Variants in PPP1R12C observed in about 807,000 individuals in gnomAD.
The protein encoded by PPP1R12C is protein phosphatase 1 regulatory subunit 12C.
Under a neutral mutation model 95.6 loss-of-function variants are expected in PPP1R12C, and 48 were observed. That is an observed-to-expected ratio of 0.50 (90% CI 0.40 to 0.64). PPP1R12C has a LOEUF of 0.64. PPP1R12C is among the 30% of genes least tolerant of loss of function. The pLI is 0.00. For missense variants in PPP1R12C, 1,057 were observed against 1,083.3 expected (o/e 0.98, Z 0.34); for synonymous variants, 480 against 460.8 (o/e 1.04, Z -0.53).
chr19:55,117,523 CG>C lies in PPP1R12C; in HGVS notation c.20del (p.Pro7ArgfsTer63). On this transcript the variant is annotated frameshift_variant, in exon 1 of 22. Transcript: ENST00000263433. LOFTEE classifies it high-confidence loss of function. MSGEDGPAAGPGAAAAA... is the reference protein window; with the variant it reads MSGEDGXAAGPGAAAAA... ...CCGCCGCCGCCCCCGGGCCAGCCGC[CG>C]GGCCATCCTCTCCGGACATCGCACC... The C allele has an allele frequency of 9.8e-7, 1 of 1,024,090 alleles. No individual in the cohort carries two copies. The highest frequency in any genetic ancestry group is 1.2e-6 in the Non-Finnish European group (1 of 856,026). The allele number at this position is 1,024,090 out of a possible 1,614,324, so 63.4% of individuals were successfully genotyped here.
At chr19:55,106,475 T>G (rs1010648063) in intron 3 of PPP1R12C, among the ~76,000 whole-genome samples, 1 of 152,224 alleles carries the variant, frequency 6.6e-6, no homozygotes, top group African/African-American at 2.4e-5. Context: ...TCCGCCCTTG[T>G]CAGCACTTGG....
chr19:55,110,741 T>C (rs186989020), intron 3 of PPP1R12C, among the ~76,000 whole-genome samples: 1 of 152,090 alleles, frequency 6.6e-6, no homozygotes, highest in East Asian at 1.9e-4. Flanking sequence ...GCATGCTGGC[T>C]CACGCCTGTA....
At chr19:55,115,987 GCA>G (rs2085149332) in intron 1 of PPP1R12C, among the ~76,000 whole-genome samples, 1 of 152,198 alleles carries the variant, frequency 6.6e-6, no homozygotes, top group Non-Finnish European at 1.5e-5. Context: ...GGAAGAGCTA[GCA>G]CAGACTAGAG....
intron 4 of PPP1R12C, among the ~76,000 whole-genome samples, chr19:55,102,941 C>T (rs1233845612): frequency 6.6e-6 from 1 of 152,190 alleles, no homozygotes; most frequent in East Asian, 1.9e-4. Context: ...GTGGCTTACA[C>T]CTGTAATCCC....
chr19:55,100,896 T>C (rs2084972978), intron 4 of PPP1R12C, among the ~76,000 whole-genome samples: 1 of 152,050 alleles, frequency 6.6e-6, no homozygotes, highest in African/African-American at 2.4e-5. Flanking sequence ...ACAGGCGTGA[T>C]CCACCACGCC....
chr19:55,096,104 C>T lies in PPP1R12C; in HGVS notation c.1100G>A (p.Gly367Glu). ...QDLSKERRPG[G>E]AGGPPIQDED... ...GTCCTGGATGGGGGGCCCCCCAGCC[C>T]CACCAGGCCGGCGCTCCTTGGACAA... Residue 367 changes from glycine to glutamate, a missense_variant, in exon 8 of 22, where the codon GGG (glycine) becomes GAG (glutamate). Physicochemically the swap from Gly to Glu is moderately conservative, Grantham distance 98 (BLOSUM62 -2). This residue lies in a region of PPP1R12C where 356 missense variants were observed against 330.5 expected (regional missense o/e 1.08). Transcript: ENST00000263433. 6.2e-7 allele frequency: 1 copy of T among 1,600,004 alleles called. No individual in the cohort carries two copies. The highest frequency in any genetic ancestry group is 8.5e-7 in the Non-Finnish European group (1 of 1,174,688).
At chr19:55,110,420 G>T (rs200466196) in intron 3 of PPP1R12C, among the ~76,000 whole-genome samples, 1 of 144,722 alleles carries the variant, frequency 6.9e-6, no homozygotes, top group Non-Finnish European at 1.5e-5. Context: ...AGGTTGGTGC[G>T]GTGGGTGAGA....
Position 55,110,494 on chromosome 19 carries a change from G to A in PPP1R12C, c.571+1973C>T, listed in dbSNP as rs150888147. On this transcript the variant is annotated intron_variant, in intron 3 of 21. Transcript: ENST00000263433. ...CATCAAGGTCAACACAGGGGGTAGC[G>A]TGTTGCATCCCTACTGTGGTTCTGC... is the stretch of plus-strand genomic sequence containing the variant. Among the ~76,000 whole-genome samples, 9 of 152,254 alleles carry A rather than the reference G, an allele frequency of 5.9e-5. No individual in the cohort carries two copies. The East Asian group carries it at 1.2e-3, about 20-fold the overall frequency.
At position 55,098,984 on chromosome 19, in the gene PPP1R12C, C is replaced by T; in HGVS notation, c.843G>A (p.Glu281=). ...TCAGTGAGTCCATGCCCCCGCCATG[C>T]TCGGCCAGCAGGCGGCAGGCATCCT... ...GVEDACRLLA[E]HGGGMDSLTH... Residue 281 remains glutamate, a synonymous_variant, in exon 5 of 22, where the codon GAG becomes GAA. Coordinates refer to ENST00000263433, the MANE Select transcript of PPP1R12C (RefSeq NM_017607.4). The T allele has an allele frequency of 6.4e-7, 1 of 1,565,538 alleles. No homozygotes were observed. The highest frequency in any genetic ancestry group is 8.7e-7 in the Non-Finnish European group (1 of 1,155,226).
rs549832044 is a variant in PPP1R12C at position 55,101,120 on chromosome 19, C to T, written c.732-2025G>A. ...AAAATTAGCCGGGCATGGTGGAGCA[C>T]ACCTGTAATCACAGCTACTCAGGAG... On this transcript the variant is annotated intron_variant, in intron 4 of 21. Transcript: ENST00000263433. 5.9e-5 allele frequency among the ~76,000 whole-genome samples: 9 copies of T among 152,100 alleles called. No individual in the cohort carries two copies. The East Asian group carries it at 1.4e-3, about 23-fold the overall frequency.
rs866652278 is a variant in PPP1R12C, at chr19:55,092,646, G to T, written c.1928C>A (p.Pro643Gln). 1 of 1,516,926 alleles carries T rather than the reference G, an allele frequency of 6.6e-7. No homozygotes were observed. The highest frequency in any genetic ancestry group is 8.8e-7 in the Non-Finnish European group (1 of 1,133,052). The allele number at this position is 1,516,926 out of a possible 1,614,324, so 94.0% of individuals were successfully genotyped here. ...RGPAEGEEAE[P>Q]ADRSQESSTL... ...CCTGGACTCCTGGCTGCGGTCAGCCGGCTCCGCCTCCTCCCCCTGTGGGCA... is the reference window on the plus strand; with the variant it reads ...CCTGGACTCCTGGCTGCGGTCAGCCTGCTCCGCCTCCTCCCCCTGTGGGCA... The change falls in exon 17 of 22, where the codon CCG becomes CAG. Residue 643 changes from proline to glutamine, a missense_variant. By Grantham distance (76) the Pro-to-Gln change is moderately conservative (BLOSUM62 -1). Transcript: ENST00000263433.
intron 4 of PPP1R12C, among the ~76,000 whole-genome samples, chr19:55,101,694 A>G (rs1260672184): frequency 2.0e-5 from 3 of 152,244 alleles, no homozygotes; most frequent in Admixed American, 1.3e-4. Flanking sequence ...GCCTGGGCAC[A>G]TCACTAGGCC....
chr19:55,093,115 C>G, intron 14 of PPP1R12C, 38 bp downstream of exon 14: 1 of 1,613,210 alleles, frequency 6.2e-7, no homozygotes, highest in Non-Finnish European at 8.5e-7. Context: ...AGCAGGACAT[C>G]CCGCACCACC....
At chr19:55,096,484 C>G (rs1392140088) in intron 6 of PPP1R12C, 149 bp from the exon 7 acceptor site, 3 of 942,316 alleles carry the variant, frequency 3.2e-6, no homozygotes, top group Non-Finnish European at 4.9e-6. Context: ...GGCCACACAC[C>G]TCAGGGGCAG....
chr19:55,092,874 G>A lies in PPP1R12C; in HGVS notation c.1826-6C>T. The A allele has an allele frequency of 6.3e-7, 1 of 1,596,906 alleles. No homozygotes were observed. Among genetic ancestry groups the A allele is most frequent in the Non-Finnish European group, 8.5e-7 (1 of 1,172,660 alleles). ...CTGCCCGTCGGGCGCCTCTGCTGGG[G>A]GAGGGGCAGGAATCAGCCCAGGCAC... On this transcript the variant is annotated splice_region_variant and splice_polypyrimidine_tract_variant and intron_variant, in intron 15 of 21. Transcript: ENST00000263433.
chr19:55,100,751 T>C (rs1326214307), intron 4 of PPP1R12C, among the ~76,000 whole-genome samples: 5 of 152,150 alleles, frequency 3.3e-5, no homozygotes, highest in Non-Finnish European at 5.9e-5. Flanking sequence ...TAGCTGGGAT[T>C]ACAGGCGCCT....
In PPP1R12C at chr19:55,112,552, G is replaced by A. The variant is rs374078972; in HGVS notation, c.486C>T (p.Ala162=). Residue 162 remains alanine, a synonymous_variant, in exon 3 of 22, where the codon GCC becomes GCT. Coordinates refer to ENST00000263433, the MANE Select transcript of PPP1R12C (RefSeq NM_017607.4). ...GGGGCAGGTCCCCGTCACTGTTGAC[G>A]GCGGCGATGTTGGCCCCGTGGCTCA... is the stretch of plus-strand genomic sequence containing the variant. The part of the protein sequence containing the change: ...YLLSHGANIA[A]VNSDGDLPLD... 3.3e-4 allele frequency: 531 copies of A among 1,613,154 alleles called. 4 individuals carry two copies. The South Asian group carries it at 5.5e-3, about 17-fold the overall frequency.
At chr19:55,099,667 G>A (rs914754602) in intron 4 of PPP1R12C, among the ~76,000 whole-genome samples, 5 of 152,220 alleles carry the variant, frequency 3.3e-5, no homozygotes, top group African/African-American at 9.6e-5. Flanking sequence ...ACCCGGCTGC[G>A]CTCAGAGCGC....
chr19:55,104,253 T>A (rs1295139976), intron 3 of PPP1R12C, among the ~76,000 whole-genome samples: 1 of 143,638 alleles, frequency 7.0e-6, no homozygotes. Flanking sequence ...ATATATATAA[T>A]ATATATATAA....
Sources: gnomAD v4.1 joint callset for allele counts (sites outside exome capture counted in the v4.1 genomes callset) on GRCh38, gnomAD v4.1.1 for gene constraint, gnomAD v4.1.1 regional missense constraint, MANE v1.5 for transcripts, NCBI Gene and HGNC (gene_info 2026-07-23, HGNC 2026-07-21) for gene names.